The following PLA2G6 variants were observed in gnomAD, a reference collection of about 807,000 sequenced individuals.
PLA2G6 encodes 85/88 kDa calcium-independent phospholipase A2.
PLA2G6 carries 62 observed loss-of-function variants against 83.8 expected under a neutral mutation model. That is an observed-to-expected ratio of 0.74 (90% CI 0.60 to 0.91). The LOEUF (loss-of-function observed/expected upper bound fraction) is 0.91, where lower values mean the gene tolerates loss of function less well. Among genes scored for constraint, PLA2G6 ranks in the 40% least tolerant of loss-of-function variants. PLA2G6 has a pLI of 0.00. For missense variants in PLA2G6, 944 were observed against 1,102.0 expected (o/e 0.86, Z 2.03); for synonymous variants, 417 against 449.8 (o/e 0.93, Z 0.92).
chr22:38,132,108 C>T lies in PLA2G6; in HGVS notation c.1077+723G>A, dbSNP rs2088252904. ...CCAGCCTGGGCGACAGTGCGAGACT[C>T]CATCTCGAAAAAAAAGAATACATGC... is the stretch of plus-strand genomic sequence containing the variant. On this transcript the variant is annotated intron_variant, in intron 7 of 16. Coordinates refer to ENST00000332509, the MANE Select transcript of PLA2G6 (RefSeq NM_003560.4). This position sits in a 1 kb window ranked among gnomAD's most constrained non-coding sequence, Gnocchi z 5.0. 2 of 455,268 alleles carry T rather than the reference C, an allele frequency of 4.4e-6. No homozygotes were observed. Among genetic ancestry groups the T allele is most frequent in the African/African-American group, 4.0e-5 (2 of 49,944 alleles). The allele number at this position is 455,268 out of a possible 1,614,324, so 28.2% of individuals were successfully genotyped here.
intron 2 of PLA2G6, chr22:38,149,444 T>C (rs919455263): frequency 6.6e-6 from 1 of 152,008 alleles, no homozygotes; most frequent in African/African-American, 2.4e-5. Flanking sequence ...AATTAAAAAA[T>C]ATAATCAGGA....
At chr22:38,120,957 G>A in intron 11 of PLA2G6, 48 bp from the exon 12 acceptor site, 1 of 1,606,760 alleles carries the variant, frequency 6.2e-7, no homozygotes. Flanking sequence ...GCCACACGCA[G>A]GGCTCCCGTA....
intron 2 of PLA2G6, chr22:38,168,103 C>T (rs1388665600): frequency 6.1e-6 from 1 of 162,902 alleles, no homozygotes; most frequent in Non-Finnish European, 1.5e-5. Context: ...CACAGCACTC[C>T]TCAAGGGGTG....
chr22:38,120,638 T>C, intron 12 of PLA2G6, 121 bp downstream of exon 12: 1 of 1,232,686 alleles, frequency 8.1e-7, no homozygotes, highest in Non-Finnish European at 1.2e-6. Flanking sequence ...GGGTTCCCTC[T>C]GCTCCCCTCA....
chr22:38,177,305 C>A (rs1223001843), intron 1 of PLA2G6, among the ~76,000 whole-genome samples: 2 of 152,122 alleles, frequency 1.3e-5, no homozygotes, highest in Non-Finnish European at 1.5e-5. Flanking sequence ...AATGTCCCCG[C>A]AAATGTTCCC....
intron 1 of PLA2G6, 105 bp from the exon 2 acceptor site, chr22:38,169,576 G>C: frequency 1.4e-6 from 1 of 700,120 alleles, no homozygotes; most frequent in Non-Finnish European, 2.6e-6. Flanking sequence ...CCCCACCAGC[G>C]TTGTCCCCAG....
chr22:38,126,896 C>T, intron 9 of PLA2G6: 1 of 576,668 alleles, frequency 1.7e-6, no homozygotes, highest in South Asian at 3.1e-5. Flanking sequence ...CACCCAAGGT[C>T]ATTTAGTCAA....
At chr22:38,148,377 C>T (rs112006731) in intron 2 of PLA2G6, 10 of 623,580 alleles carry the variant, frequency 1.6e-5, no homozygotes, top group African/African-American at 1.3e-4. Flanking sequence ...CCATTAACAG[C>T]AGACTAGGGA....
chr22:38,115,192 T>TG (rs1172991262), intron 14 of PLA2G6, among the ~76,000 whole-genome samples: 1 of 152,170 alleles, frequency 6.6e-6, no homozygotes, highest in Non-Finnish European at 1.5e-5. Context: ...GGCATTCCTG[T>TG]GGGACTGTCT....
chr22:38,139,886 G>T, intron 5 of PLA2G6, 96 bp downstream of exon 5: 4 of 1,019,370 alleles, frequency 3.9e-6, no homozygotes, highest in Non-Finnish European at 6.0e-6. Context: ...GAGATGCTAA[G>T]ATCTATGGTG....
intron 2 of PLA2G6, among the ~76,000 whole-genome samples, chr22:38,168,978 A>G (rs2090329834): frequency 6.6e-6 from 1 of 152,108 alleles, no homozygotes; most frequent in African/African-American, 2.4e-5. Flanking sequence ...TCGAGCCTCC[A>G]GGCCAGAAAC....
At chr22:38,172,283 G>A (rs905567615) in intron 1 of PLA2G6, among the ~76,000 whole-genome samples, 7 of 152,190 alleles carry the variant, frequency 4.6e-5, no homozygotes, top group African/African-American at 1.7e-4. Flanking sequence ...GCTAGTGGGT[G>A]GAGCAGTGAA....
chr22:38,165,535 T>C (rs771669181), intron 2 of PLA2G6, among the ~76,000 whole-genome samples: 3 of 152,146 alleles, frequency 2.0e-5, no homozygotes, highest in Non-Finnish European at 4.4e-5. Flanking sequence ...AGAAACTTGA[T>C]CACACTGGGC....
chr22:38,148,429 G>C, intron 2 of PLA2G6: 2 of 706,498 alleles, frequency 2.8e-6, no homozygotes, highest in South Asian at 3.0e-5. Context: ...AGAAATGCTG[G>C]ACAAATTATT....
intron 1 of PLA2G6, among the ~76,000 whole-genome samples, chr22:38,181,394 T>C (rs2090841181): frequency 6.6e-6 from 1 of 151,346 alleles, no homozygotes; most frequent in Non-Finnish European, 1.5e-5. Context: ...GGAAGGAAAA[T>C]TAGGACGGCC....
At chr22:38,127,570 G>T in intron 9 of PLA2G6, 1 of 662,228 alleles carries the variant, frequency 1.5e-6, no homozygotes, top group Non-Finnish European at 2.4e-6. Flanking sequence ...AGAGTTCCAG[G>T]CTTGGTCGGG....
At position 38,140,122 on chromosome 22, in the gene PLA2G6, T is replaced by C. The variant is rs1602161752; in HGVS notation, c.657A>G (p.Gln219=). The change falls in exon 5 of 17, where the codon CAA becomes CAG. Residue 219 remains glutamine (Q), a synonymous_variant. Transcript: ENST00000332509. ...AGGCCAGGTGCAGCGGGGTCAGCCC[T>C]TGGTTATTCACCTGGTTCAGGCCAG... ...AVAGLNQVNN[Q]GLTPLHLACQ... is the part of the protein sequence containing the mutation. 6.2e-7 allele frequency: 1 copy of C among 1,614,154 alleles called. No homozygotes were observed. Among genetic ancestry groups the C allele is most frequent in the Non-Finnish European group, 8.5e-7 (1 of 1,180,024 alleles).
At chr22:38,170,756 G>A (rs2090405964) in intron 1 of PLA2G6, among the ~76,000 whole-genome samples, 1 of 152,090 alleles carries the variant, frequency 6.6e-6, no homozygotes, top group South Asian at 2.1e-4. Flanking sequence ...GTGGACACTG[G>A]GTCACAGCCA....
chr22:38,127,503 T>C, intron 9 of PLA2G6: 11 of 1,218,182 alleles, frequency 9.0e-6, no homozygotes, highest in Non-Finnish European at 1.2e-5. Context: ...GGGGAGTTCC[T>C]GGGAGGGGAG....
Sources: allele counts gnomAD v4.1 joint callset (sites outside exome capture counted in the v4.1 genomes callset), GRCh38; gene constraint gnomAD v4.1.1; non-coding constraint Gnocchi (gnomAD v3.1); transcripts MANE v1.5; gene names NCBI Gene and HGNC (gene_info 2026-07-23, HGNC 2026-07-21).